Variants in MTTP observed in about 807,000 individuals in gnomAD.
MTTP encodes microsomal triglyceride transfer protein.
MTTP carries 49 observed loss-of-function variants against 90.6 expected under a neutral mutation model. That is an observed-to-expected ratio of 0.54 (90% confidence interval 0.43 to 0.69). The LOEUF (loss-of-function observed/expected upper bound fraction) is 0.69, where lower values mean the gene tolerates loss of function less well. Among genes scored for constraint, MTTP ranks in the 30% least tolerant of loss-of-function variants. The pLI is 0.00. For synonymous variants in MTTP, 347 were observed against 384.2 expected (o/e 0.90, Z 1.13); for missense variants, 945 against 1,067.5 (o/e 0.89, Z 1.60).
chr4:99,621,090 C>T lies in MTTP; in HGVS notation c.2372C>T (p.Thr791Ile). 6.2e-7 allele frequency: 1 copy of T among 1,614,066 alleles called. No homozygotes were observed. ...RVTVVITTDI[T>I]VDSSFVKAGL... ...ACTGTGGTAATAACCACTGACATCACAGTGGACTCCTCTTTTGTGAAAGCT... is the reference window on the plus strand; with the variant it reads ...ACTGTGGTAATAACCACTGACATCATAGTGGACTCCTCTTTTGTGAAAGCT... Residue 791 changes from threonine (T) to isoleucine (I), a missense_variant, in exon 17 of 18, where the codon ACA becomes ATA. Coordinates refer to ENST00000265517, the MANE Select transcript of MTTP (RefSeq NM_001386140.1).
At chr4:99,584,076 A>C (rs1725195529) in intron 3 of MTTP, 1 of 153,382 alleles carries the variant, frequency 6.5e-6, no homozygotes, top group South Asian at 2.0e-4. Flanking sequence ...TAAAATAATG[A>C]TTGAACACTT....
intron 1 of MTTP, among the ~76,000 whole-genome samples, chr4:99,577,861 G>T (rs1445025530): frequency 6.6e-6 from 1 of 151,818 alleles, no homozygotes; most frequent in Non-Finnish European, 1.5e-5. Context: ...ATTTAATTTT[G>T]TCACCTTTAA....
At chr4:99,601,102 T>C (rs531794957) in intron 9 of MTTP, among the ~76,000 whole-genome samples, 21 of 152,128 alleles carry the variant, frequency 1.4e-4, no homozygotes, top group Non-Finnish European at 2.6e-4. Context: ...TACACCTACA[T>C]TGAAGAGATA....
chr4:99,601,448 G>C (rs1725695278), intron 9 of MTTP, among the ~76,000 whole-genome samples, 159 bp from the exon 10 acceptor site: 1 of 143,738 alleles, frequency 7.0e-6, no homozygotes, highest in African/African-American at 2.5e-5. Context: ...TTCAAAGCTA[G>C]ATAGCAAATG....
chr4:99,612,941 C>G lies in MTTP; in HGVS notation c.2018C>G (p.Ala673Gly), dbSNP rs1243627525. 1.9e-6 allele frequency: 3 copies of G among 1,613,880 alleles called. No individual in the cohort carries two copies. The highest frequency in any genetic ancestry group is 2.5e-6 in the Non-Finnish European group (3 of 1,179,946). ...QVVIEAQGLE[A>G]LIAATPDEGE... ...GTTATTGAAGCCCAAGGACTGGAAG[C>G]CTTAATCGCAGCCACCCCTGACGAG... is the stretch of plus-strand genomic sequence containing the variant. Residue 673 changes from alanine to glycine, a missense_variant, in exon 15 of 18, where the codon GCC (alanine) becomes GGC (glycine). By Grantham distance (60) the Ala-to-Gly change is moderately conservative. Transcript: ENST00000265517.
chr4:99,611,557 T>G, intron 14 of MTTP, 104 bp downstream of exon 14: 1 of 1,439,530 alleles, frequency 6.9e-7, no homozygotes, highest in Non-Finnish European at 9.7e-7. Context: ...ATGTATAAGT[T>G]AATGGTGGCT....
At chr4:99,596,956 C>T (rs1725568293) in intron 7 of MTTP, 111 bp from the exon 8 acceptor site, 1 of 1,445,288 alleles carries the variant, frequency 6.9e-7, no homozygotes, top group African/African-American at 1.4e-5. Context: ...GTACAAAAAG[C>T]TGCTTTCGCT....
chr4:99,592,551 CTGGTTAAAAATT>C, intron 6 of MTTP, among the ~76,000 whole-genome samples: 1 of 150,332 alleles, frequency 6.7e-6, no homozygotes, highest in South Asian at 2.1e-4. Flanking sequence ...TTAAAAATTT[CTGGTTAAAAATT>C]AAGACATAAG....
chr4:99,573,921 G>T (rs1258523339), upstream of MTTP, among the ~76,000 whole-genome samples: 3 of 152,188 alleles, frequency 2.0e-5, no homozygotes, highest in Non-Finnish European at 4.4e-5. Flanking sequence ...CTCTAGTAGG[G>T]TTAGTAGGTT....
chr4:99,575,480 T>C (rs2110207858), intron 1 of MTTP, among the ~76,000 whole-genome samples: 1 of 152,316 alleles, frequency 6.6e-6, no homozygotes, highest in Admixed American at 6.5e-5. Context: ...TTAATTCCGT[T>C]ACAATTAAAA....
At chr4:99,580,973 A>G (rs1375044364) in intron 1 of MTTP, among the ~76,000 whole-genome samples, 5 of 152,194 alleles carry the variant, frequency 3.3e-5, no homozygotes, top group Non-Finnish European at 7.3e-5. Context: ...TCCTGAGAGA[A>G]AAAAAGATTA....
intron 3 of MTTP, among the ~76,000 whole-genome samples, chr4:99,587,399 A>G (rs2035816): frequency 0.073 from 11,128 of 152,240 alleles, 527 homozygotes; most frequent in Middle Eastern, 0.17. Context: ...CACAGTTTAT[A>G]TCTATCATTC....
chr4:99,594,828 C>T lies in MTTP; in HGVS notation c.854C>T (p.Thr285Met), dbSNP rs566965111. 5.6e-5 allele frequency: 90 copies of T among 1,613,866 alleles called. No individual in the cohort carries two copies. The highest frequency in any genetic ancestry group is 1.6e-4 in the Middle Eastern group (1 of 6,082). ...ATCAAAGCAGTTGATTCAAAGTACA[C>T]GGCCATTCCCATTGTGGGGCAGGTC... ...AIIKAVDSKY[T>M]AIPIVGQVFQ... is the part of the protein sequence containing the mutation. Residue 285 changes from threonine to methionine, a missense_variant, in exon 7 of 18, where the codon ACG becomes ATG. Transcript: ENST00000265517.
intron 11 of MTTP, among the ~76,000 whole-genome samples, chr4:99,607,660 A>T (rs1289467445): frequency 6.6e-6 from 1 of 152,230 alleles, no homozygotes; most frequent in Non-Finnish European, 1.5e-5. Flanking sequence ...AGATCCTTAC[A>T]CATTGAATAT....
intron 3 of MTTP, 70 bp downstream of exon 3, chr4:99,583,587 T>C (rs750467040): frequency 8.5e-5 from 133 of 1,561,220 alleles, no homozygotes; most frequent in Non-Finnish European, 1.1e-4. Flanking sequence ...GTAGATATTA[T>C]TTTGAGGTAA....
chr4:99,567,188 G>A (rs574612930), intron 1 of MTTP, among the ~76,000 whole-genome samples: 95 of 152,232 alleles, frequency 6.2e-4, no homozygotes, highest in African/African-American at 2.2e-3. Flanking sequence ...ATCCTCCCAC[G>A]TAATATATGA....
chr4:99,581,877 C>G, intron 1 of MTTP, 28 bp from the exon 2 acceptor site: 1 of 1,610,966 alleles, frequency 6.2e-7, no homozygotes, highest in Non-Finnish European at 8.5e-7. Context: ...ACAATGAAAA[C>G]TGGATATGTG....
At position 99,623,050 on chromosome 4, in the gene MTTP, G is replaced by A. The variant is rs1227877778; in HGVS notation, c.*202G>A. 1.6e-6 allele frequency: 1 copy of A among 612,512 alleles called. No individual in the cohort carries two copies. The highest frequency in any genetic ancestry group is 2.8e-5 in the East Asian group (1 of 35,258). The allele number at this position is 612,512 out of a possible 1,614,324, so 37.9% of individuals were successfully genotyped here. A position where few individuals can be genotyped will look rare whatever the true frequency, so the allele number is the denominator to read the frequency against. ...CCACAGCGTCATTTTGAATCATCAT[G>A]TGACGCTTTCAACAACGTTCTTAGT... On this transcript the variant is annotated 3_prime_UTR_variant, in exon 18 of 18. Coordinates refer to ENST00000265517, the MANE Select transcript of MTTP (RefSeq NM_001386140.1).
At chr4:99,584,762 GTCATT>G (rs1425210205) in intron 3 of MTTP, among the ~76,000 whole-genome samples, 3 of 151,986 alleles carry the variant, frequency 2.0e-5, no homozygotes, top group African/African-American at 7.3e-5. Context: ...TTTGTTTTTG[GTCATT>G]TGTGTTCATT....
Sources: allele counts gnomAD v4.1 joint callset (sites outside exome capture counted in the v4.1 genomes callset), GRCh38; gene constraint gnomAD v4.1.1; transcripts MANE v1.5; gene names NCBI Gene and HGNC (gene_info 2026-07-23, HGNC 2026-07-21).